ARHGAP26: variants seen among roughly 807,000 people sequenced by gnomAD.
The protein encoded by ARHGAP26 is Rho GTPase activating protein 26, also known as rho GTPase-activating protein 26.
ARHGAP26 carries 38 observed loss-of-function variants against 104.8 expected under a neutral mutation model. The ratio of observed to expected loss-of-function variants is 0.36; its 90% CI spans 0.28 to 0.48. The LOEUF is 0.48. Among genes scored for constraint, ARHGAP26 ranks in the 20% least tolerant of loss-of-function variants. The probability of loss-of-function intolerance (pLI) is 0.99; values close to 1 mark genes in which losing one functional copy is unlikely to be tolerated. For synonymous variants in ARHGAP26, 341 were observed against 340.0 expected (o/e 1.00, Z -0.03); for missense variants, 704 against 947.9 (o/e 0.74, Z 3.38).
At position 143,092,552 on chromosome 5, in the gene ARHGAP26, C is replaced by G. The variant is rs58436709; in HGVS notation, c.1539-28436C>G. Among the ~76,000 whole-genome samples, 1,209 of 152,162 alleles carry G rather than the reference C, an allele frequency of 7.9e-3. 15 individuals carry two copies. Among genetic ancestry groups the G allele is most frequent in the African/African-American group, 0.028 (1,146 of 41,490 alleles). ...CTTTTTACATAAATTCTCCCCCCCC[C>G]ACCTTTTTTTTTCTCAAAAATGATA... On this transcript the variant is annotated intron_variant, in intron 17 of 22. Coordinates refer to ENST00000645722, the MANE Select transcript of ARHGAP26 (RefSeq NM_001135608.3).
At chr5:142,890,161 T>TGAA (rs1758424103) in intron 5 of ARHGAP26, among the ~76,000 whole-genome samples, 1 of 57,090 alleles carries the variant, frequency 1.8e-5, no homozygotes, top group Non-Finnish European at 3.3e-5. Context: ...AATATATATA[T>TGAA]ATATATATAT....
chr5:143,205,182 A>C (rs1054400259), intron 20 of ARHGAP26, among the ~76,000 whole-genome samples: 4 of 152,116 alleles, frequency 2.6e-5, no homozygotes, highest in African/African-American at 9.7e-5. Context: ...GATGGATCTT[A>C]CTGTCTTACA....
At chr5:143,181,585 G>A (rs1390000075) in intron 20 of ARHGAP26, among the ~76,000 whole-genome samples, 1 of 152,170 alleles carries the variant, frequency 6.6e-6, no homozygotes, top group East Asian at 1.9e-4. Flanking sequence ...TGTCTTCCCA[G>A]TTGTATCTCC....
At chr5:143,075,192 C>A (rs1370852352) in intron 17 of ARHGAP26, among the ~76,000 whole-genome samples, 2 of 151,942 alleles carry the variant, frequency 1.3e-5, no homozygotes, top group Admixed American at 6.6e-5. Flanking sequence ...AACAAGTGTG[C>A]CTTTAACATT....
intron 1 of ARHGAP26, among the ~76,000 whole-genome samples, chr5:142,775,697 T>C (rs1400031142): frequency 6.6e-6 from 1 of 152,220 alleles, no homozygotes; most frequent in Non-Finnish European, 1.5e-5. Flanking sequence ...TTACCTATTC[T>C]GTGTACTTCT....
At chr5:142,824,136 GTA>G (rs1010110757) in intron 1 of ARHGAP26, among the ~76,000 whole-genome samples, 2 of 152,212 alleles carry the variant, frequency 1.3e-5, no homozygotes, top group East Asian at 1.9e-4. Context: ...TATGTTGTGT[GTA>G]TGTGTGTGTG....
intron 2 of ARHGAP26, among the ~76,000 whole-genome samples, chr5:142,874,217 G>A (rs1482945916): frequency 6.6e-6 from 1 of 152,216 alleles, no homozygotes; most frequent in African/African-American, 2.4e-5. Flanking sequence ...TTGGTCTGTA[G>A]GCAGCCGTAA....
chr5:142,830,675 G>A (rs1280531143), intron 1 of ARHGAP26, among the ~76,000 whole-genome samples: 3 of 152,184 alleles, frequency 2.0e-5, no homozygotes, highest in African/African-American at 7.2e-5. Flanking sequence ...GCATGGTTTT[G>A]TATTTTTTCT....
At chr5:143,129,984 G>A (rs942407281) in intron 18 of ARHGAP26, among the ~76,000 whole-genome samples, 5 of 152,200 alleles carry the variant, frequency 3.3e-5, no homozygotes, top group Non-Finnish European at 4.4e-5. Flanking sequence ...TCCAAAGCCT[G>A]TTTGCTTTGT....
intron 1 of ARHGAP26, among the ~76,000 whole-genome samples, chr5:142,861,738 C>T (rs1753393832): frequency 6.6e-6 from 1 of 152,194 alleles, no homozygotes; most frequent in African/African-American, 2.4e-5. Flanking sequence ...TTCAGTGCAT[C>T]ATCTCTCTTC....
At chr5:143,034,501 C>T (rs143283855) in intron 12 of ARHGAP26, among the ~76,000 whole-genome samples, 1 of 152,078 alleles carries the variant, frequency 6.6e-6, no homozygotes, top group Non-Finnish European at 1.5e-5. Flanking sequence ...CATAAAAGAC[C>T]GCATCGTGTA....
intron 17 of ARHGAP26, among the ~76,000 whole-genome samples, chr5:143,108,368 C>T (rs1794311914): frequency 6.6e-6 from 1 of 152,168 alleles, no homozygotes; most frequent in Admixed American, 6.5e-5. Flanking sequence ...AATTGACCTC[C>T]AGAACTTTCC....
At chr5:142,862,297 C>T (rs1399585117) in intron 1 of ARHGAP26, among the ~76,000 whole-genome samples, 4 of 152,162 alleles carry the variant, frequency 2.6e-5, no homozygotes, top group East Asian at 1.9e-4. Flanking sequence ...AACTTATAGA[C>T]GTTGAGTTTT....
chr5:142,951,793 C>T (rs750612815), intron 11 of ARHGAP26, among the ~76,000 whole-genome samples: 7 of 152,140 alleles, frequency 4.6e-5, no homozygotes, highest in East Asian at 3.8e-4. Context: ...GAACAGACCA[C>T]GAGCGGAATA....
At chr5:143,094,156 G>GC (rs1022715908) in intron 17 of ARHGAP26, among the ~76,000 whole-genome samples, 1 of 152,154 alleles carries the variant, frequency 6.6e-6, no homozygotes, top group African/African-American at 2.4e-5. Flanking sequence ...ATGCTTTACC[G>GC]CCCCTGCGGT....
At chr5:142,887,350 T>G (rs556733087) in intron 5 of ARHGAP26, among the ~76,000 whole-genome samples, 24 of 152,244 alleles carry the variant, frequency 1.6e-4, no homozygotes, top group Non-Finnish European at 3.1e-4. Flanking sequence ...TTCTCTAAGC[T>G]TTATTTCCTT....
intron 1 of ARHGAP26, among the ~76,000 whole-genome samples, chr5:142,872,751 G>C (rs1173712896): frequency 6.6e-6 from 1 of 152,224 alleles, no homozygotes; most frequent in Middle Eastern, 3.2e-3. Context: ...TCTCCTGGTG[G>C]TGTTGGATGT....
chr5:142,819,578 T>C (rs1311944429), intron 1 of ARHGAP26, among the ~76,000 whole-genome samples: 3 of 152,174 alleles, frequency 2.0e-5, no homozygotes. Flanking sequence ...CTCACATGGT[T>C]CCAGATCTCT....
At chr5:142,870,520 A>G (rs1369260740) in intron 1 of ARHGAP26, among the ~76,000 whole-genome samples, 2 of 152,060 alleles carry the variant, frequency 1.3e-5, no homozygotes, top group African/African-American at 4.8e-5. Context: ...GTGGCCTTGC[A>G]CTCTTAGGTC....
Sources: gnomAD v4.1 joint callset for allele counts (sites outside exome capture counted in the v4.1 genomes callset) on GRCh38, gnomAD v4.1.1 for gene constraint, MANE v1.5 for transcripts, NCBI Gene and HGNC (gene_info 2026-07-23, HGNC 2026-07-21) for gene names.